Variants in CACNA1B observed in about 807,000 individuals in gnomAD.
CACNA1B encodes calcium voltage-gated channel subunit alpha1 B.
A neutral mutation model predicts 247.2 loss-of-function variants in CACNA1B; 70 were observed. The observed-to-expected ratio is 0.28, with a 90% CI of 0.23 to 0.35. The LOEUF is 0.35. Ranked by LOEUF, CACNA1B falls within the 10% of genes least tolerant of loss-of-function variation. The probability of loss-of-function intolerance (pLI) is 1.00; values close to 1 mark genes in which losing one functional copy is unlikely to be tolerated. For missense variants in CACNA1B, 2,367 were observed against 3,197.4 expected (o/e 0.74, Z 6.26); for synonymous variants, 1,231 against 1,294.4 (o/e 0.95, Z 1.05).
chr9:138,079,535 G>C (rs1960444821), intron 36 of CACNA1B, among the ~76,000 whole-genome samples: 1 of 152,114 alleles, frequency 6.6e-6, no homozygotes, highest in Non-Finnish European at 1.5e-5. Flanking sequence ...CTAAGGCCAG[G>C]AGCTCAAGAC....
At chr9:138,103,304 C>G (rs1031387297) in intron 38 of CACNA1B, among the ~76,000 whole-genome samples, 1 of 152,198 alleles carries the variant, frequency 6.6e-6, no homozygotes, top group African/African-American at 2.4e-5. Flanking sequence ...CCCAGCTCAG[C>G]AAGTGCAGAG....
chr9:138,050,159 T>C lies in CACNA1B; in HGVS notation c.3710+844T>C, dbSNP rs1185145289. The C allele has an allele frequency of 3.5e-5, 39 of 1,101,812 alleles. No individual in the cohort carries two copies. Among genetic ancestry groups the C allele is most frequent in the Non-Finnish European group, 1.2e-5 (10 of 817,568 alleles). 68.3% of individuals were successfully genotyped at this position (1,101,812 alleles called of 1,614,324 possible). On this transcript the variant is annotated intron_variant, in intron 24 of 46. Coordinates refer to ENST00000371372, the MANE Select transcript of CACNA1B (RefSeq NM_000718.4). This position sits in a 1 kb window ranked among gnomAD's most constrained non-coding sequence, Gnocchi z 5.2. ...CAGCAGCCCCTCTTGGGTCATTTCA[T>C]CTCCAGCCTCACCCCCCGCCCATCC...
At chr9:138,053,784 A>G in intron 25 of CACNA1B, 62 bp from the exon 26 acceptor site, 1 of 965,764 alleles carries the variant, frequency 1.0e-6, no homozygotes, top group Non-Finnish European at 1.4e-6. Context: ...CTTCCCCCTC[A>G]TGGCCCCACT....
In CACNA1B at chr9:137,967,925, C is replaced by T. The variant is rs117831758; in HGVS notation, c.1334-3458C>T. Among the ~76,000 whole-genome samples, 687 of 152,316 alleles carry T rather than the reference C, an allele frequency of 4.5e-3. 15 individuals carry two copies. In the East Asian group the frequency reaches 0.07, roughly 16 times the overall value. ...TTGCTCTGCTCCTGTCAGTCCATGC[C>T]CTCTTCCTTGAGCTCGCGTTCACCT... On this transcript the variant is annotated intron_variant, in intron 10 of 46. Transcript: ENST00000371372.
rs1589001565 is a variant in CACNA1B, at chr9:137,913,723, C to T, written c.622+452C>T. Among the ~76,000 whole-genome samples, 1 of 152,210 alleles carries T rather than the reference C, an allele frequency of 6.6e-6. No individual in the cohort carries two copies. The highest frequency in any genetic ancestry group is 2.4e-5 in the African/African-American group (1 of 41,460). ...AAGACATGCTCCTGAAGTGGGCTGC[C>T]CACAGAGCCTGCCATGAGCAGGAGG... is the stretch of plus-strand genomic sequence containing the variant. On this transcript the variant is annotated intron_variant, in intron 4 of 46. Coordinates refer to ENST00000371372, the MANE Select transcript of CACNA1B (RefSeq NM_000718.4). The surrounding 1 kb of genome is among the most constrained non-coding windows in gnomAD (Gnocchi z 5.2).
intron 36 of CACNA1B, among the ~76,000 whole-genome samples, chr9:138,090,877 A>T (rs1960856830): frequency 6.6e-6 from 1 of 151,872 alleles, no homozygotes; most frequent in South Asian, 2.1e-4. Context: ...ATACCATCTC[A>T]CCCCAGTTAG....
chr9:138,048,466 C>T (rs149997694), intron 23 of CACNA1B, among the ~76,000 whole-genome samples: 19 of 152,308 alleles, frequency 1.2e-4, no homozygotes, highest in African/African-American at 4.3e-4. Flanking sequence ...CGGTCACAAG[C>T]CATGTAGGGA....
At position 138,059,315 on chromosome 9, in the gene CACNA1B, G is replaced by A. The variant is rs1233601549; in HGVS notation, c.4584+126G>A. ...TCCGAGTACCCAGAGTATATGTAAT[G>A]CTACAGGGGCCCTGGGGAAGGGGCT... On this transcript the variant is annotated intron_variant, in intron 30 of 46. Coordinates refer to ENST00000371372, the MANE Select transcript of CACNA1B (RefSeq NM_000718.4). The surrounding 1 kb of genome is among the most constrained non-coding windows in gnomAD (Gnocchi z 4.2). 1.2e-5 allele frequency: 8 copies of A among 654,412 alleles called. No homozygotes were observed. The highest frequency in any genetic ancestry group is 2.3e-5 in the Non-Finnish European group (8 of 353,432). The allele number at this position is 654,412 out of a possible 1,614,324, so 40.5% of individuals were successfully genotyped here. A position where few individuals can be genotyped will look rare whatever the true frequency, so the allele number is the denominator to read the frequency against.
chr9:137,910,488 C>T (rs1957347989), intron 3 of CACNA1B, among the ~76,000 whole-genome samples: 1 of 152,104 alleles, frequency 6.6e-6, no homozygotes, highest in East Asian at 1.9e-4. Flanking sequence ...ATTTATTGTG[C>T]ACTTTGTTTC....
intron 6 of CACNA1B, among the ~76,000 whole-genome samples, chr9:137,947,855 A>G (rs921964311): frequency 6.9e-6 from 1 of 144,652 alleles, no homozygotes; most frequent in African/African-American, 2.6e-5. Flanking sequence ...TGCGTTCAAG[A>G]TTTTTTCTTT....
At position 137,913,237 on chromosome 9, in the gene CACNA1B, G is replaced by A; in HGVS notation, c.588G>A (p.Val196=). The change falls in exon 4 of 47, where the codon GTG becomes GTA. Residue 196 remains valine, a synonymous_variant. Coordinates refer to ENST00000371372, the MANE Select transcript of CACNA1B (RefSeq NM_000718.4). The surrounding 1 kb of genome is among the most constrained non-coding windows in gnomAD (Gnocchi z 5.2). ...TGCGAACACTGAGGGCTGTGCGTGT[G>A]CTGAGGCCCCTGAAGCTGGTGTCTG... ...FDLRTLRAVR[V]LRPLKLVSGI... The A allele has an allele frequency of 3.1e-6, 5 of 1,613,926 alleles. No individual in the cohort carries two copies. The highest frequency in any genetic ancestry group is 4.2e-6 in the Non-Finnish European group (5 of 1,179,856).
chr9:137,919,786 C>T lies in CACNA1B; in HGVS notation c.966+2355C>T, dbSNP rs1488925337. On this transcript the variant is annotated intron_variant, in intron 6 of 46. Coordinates refer to ENST00000371372, the MANE Select transcript of CACNA1B (RefSeq NM_000718.4). This position sits in a 1 kb window ranked among gnomAD's most constrained non-coding sequence, Gnocchi z 4.6. ...GTGAGCAACAGCGGGCAGCCAGGAC[C>T]GGGTGAGTGATGGGGTCTCAGAGTG... Among the ~76,000 whole-genome samples, 4 of 152,094 alleles carry T rather than the reference C, an allele frequency of 2.6e-5. No individual in the cohort carries two copies. Among genetic ancestry groups the T allele is most frequent in the Admixed American group, 6.6e-5 (1 of 15,260 alleles).
At chr9:137,930,254 C>T (rs1957594173) in intron 6 of CACNA1B, among the ~76,000 whole-genome samples, 1 of 152,204 alleles carries the variant, frequency 6.6e-6, no homozygotes, top group Non-Finnish European at 1.5e-5. Context: ...TCCTCTGGCA[C>T]TGCTTTAGCT....
chr9:137,901,333 CTG>C (rs1464632867), intron 3 of CACNA1B, among the ~76,000 whole-genome samples: 3 of 150,432 alleles, frequency 2.0e-5, no homozygotes, highest in Non-Finnish European at 3.0e-5. Context: ...CCGTGTGTCT[CTG>C]TGTTCCTGTG....
intron 6 of CACNA1B, among the ~76,000 whole-genome samples, chr9:137,937,603 T>C (rs910126391): frequency 1.3e-5 from 2 of 152,102 alleles, no homozygotes; most frequent in Non-Finnish European, 2.9e-5. Context: ...GGGAAATTCA[T>C]TGCAAAAAGA....
At chr9:137,923,733 G>GT (rs1957518081) in intron 6 of CACNA1B, among the ~76,000 whole-genome samples, 1 of 152,220 alleles carries the variant, frequency 6.6e-6, no homozygotes, top group Non-Finnish European at 1.5e-5. Flanking sequence ...AGCTTTTCCA[G>GT]AGGGCTACAC....
At chr9:138,096,905 CA>C (rs1961075021) in intron 37 of CACNA1B, among the ~76,000 whole-genome samples, 2 of 150,662 alleles carry the variant, frequency 1.3e-5, no homozygotes, top group South Asian at 2.1e-4. Flanking sequence ...GGAAGGTTTT[CA>C]AGGGGCTTGT....
rs1957457015 is a variant in CACNA1B, at chr9:137,919,805, C to CA, written c.966+2375dup. Among the ~76,000 whole-genome samples the CA allele has an allele frequency of 6.6e-6, 1 of 152,120 alleles. No individual in the cohort carries two copies. Among genetic ancestry groups the CA allele is most frequent in the African/African-American group, 2.4e-5 (1 of 41,426 alleles). On this transcript the variant is annotated intron_variant, in intron 6 of 46. Transcript: ENST00000371372. The surrounding 1 kb of genome is among the most constrained non-coding windows in gnomAD (Gnocchi z 4.6). Reference sequence around the variant, plus strand: ...CAGGACCGGGTGAGTGATGGGGTCTCAGAGTGGATTGCTGAAAAGCTGGTG... The same window carrying CA: ...CAGGACCGGGTGAGTGATGGGGTCTCAAGAGTGGATTGCTGAAAAGCTGGTG...
At chr9:137,904,354 T>C (rs11791323) in intron 3 of CACNA1B, among the ~76,000 whole-genome samples, 37 of 46,148 alleles carry the variant, frequency 8.0e-4, no homozygotes, top group South Asian at 1.5e-3. Flanking sequence ...CTCTCTCTCT[T>C]TTTTTTTTTT....
Sources: gnomAD v4.1 joint callset for allele counts (sites outside exome capture counted in the v4.1 genomes callset) on GRCh38, gnomAD v4.1.1 for gene constraint, Gnocchi (gnomAD v3.1) non-coding constraint, MANE v1.5 for transcripts, NCBI Gene and HGNC (gene_info 2026-07-23, HGNC 2026-07-21) for gene names.